FGD4: variants seen among roughly 807,000 people sequenced by gnomAD.
FGD4 encodes FYVE, RhoGEF and PH domain-containing protein 4.
In FGD4, 42 loss-of-function variants were observed where a neutral mutation model predicts 102.0. The ratio of observed to expected loss-of-function variants is 0.41; its 90% CI spans 0.32 to 0.53. The LOEUF (loss-of-function observed/expected upper bound fraction) is 0.53, where lower values mean the gene tolerates loss of function less well. Among genes scored for constraint, FGD4 ranks in the 20% least tolerant of loss-of-function variants. The pLI is 0.21. For missense variants in FGD4, 902 were observed against 1,078.2 expected (o/e 0.84, Z 2.29); for synonymous variants, 380 against 375.7 (o/e 1.01, Z -0.13).
intron 1 of FGD4, among the ~76,000 whole-genome samples, chr12:32,495,651 G>T (rs187400550): frequency 7.0e-6 from 1 of 142,328 alleles, no homozygotes; most frequent in Non-Finnish European, 1.5e-5. Context: ...AGCCGAGATC[G>T]CACCACTGCA....
At chr12:32,510,988 G>T (rs1939305349) in intron 1 of FGD4, among the ~76,000 whole-genome samples, 1 of 152,194 alleles carries the variant, frequency 6.6e-6, no homozygotes, top group Non-Finnish European at 1.5e-5. Flanking sequence ...GAGTCTGTGG[G>T]ATTAAGCAGG....
At chr12:32,465,370 A>C (rs1591953382) in intron 1 of FGD4, among the ~76,000 whole-genome samples, 1 of 152,036 alleles carries the variant, frequency 6.6e-6, no homozygotes. Context: ...GTCAGCCGCC[A>C]TTAACATCAA....
intron 1 of FGD4, among the ~76,000 whole-genome samples, chr12:32,525,641 C>A (rs1280322243): frequency 6.6e-6 from 1 of 152,230 alleles, no homozygotes; most frequent in Non-Finnish European, 1.5e-5. Flanking sequence ...AAGGCCGGAG[C>A]CCACTCCCTC....
At chr12:32,405,916 G>T (rs1009236226) in intron 1 of FGD4, among the ~76,000 whole-genome samples, 2 of 151,722 alleles carry the variant, frequency 1.3e-5, no homozygotes, top group Non-Finnish European at 2.9e-5. Context: ...GATTGAAAAA[G>T]GATTAGAACA....
At chr12:32,448,429 G>A (rs1942681855) in intron 1 of FGD4, among the ~76,000 whole-genome samples, 1 of 152,102 alleles carries the variant, frequency 6.6e-6, no homozygotes, top group Admixed American at 6.6e-5. Flanking sequence ...AGGCTGAGGC[G>A]AGTGGATCAC....
intron 1 of FGD4, among the ~76,000 whole-genome samples, chr12:32,444,021 C>CTTTTTTTTTT (rs67353121): frequency 5.0e-5 from 6 of 119,138 alleles, no homozygotes; most frequent in Non-Finnish European, 1.1e-4. Context: ...ACTTTGTTTT[C>CTTTTTTTTTT]TTTTTTTTTT....
At chr12:32,594,132 G>C (rs1947689598) in intron 4 of FGD4, among the ~76,000 whole-genome samples, 1 of 152,192 alleles carries the variant, frequency 6.6e-6, no homozygotes, top group Admixed American at 6.5e-5. Context: ...ACTGGTACCA[G>C]CTGGTCTGTG....
rs756885149 is a variant in FGD4 at position 32,611,137 on chromosome 12, G to A, written c.1603G>A (p.Glu535Lys). The change falls in exon 10 of 17, where the codon GAG becomes AAG. Residue 535 changes from glutamate (E) to lysine (K), a missense_variant and splice_region_variant. Glu to Lys is a moderately conservative substitution (Grantham distance 56). Around this residue, in one of 2 missense-constraint regions of FGD4, gnomAD observed 459 missense variants for 619.0 expected, o/e 0.74. Transcript: ENST00000534526. ...TGATCTTGCTGTTTTAATTTCCTAG[G>A]AGAACCTAAAGAAACTCTTAGAGAT... ...SHSNSAIRKM[E>K]NLKKLLEIYE... The A allele has an allele frequency of 2.5e-6, 4 of 1,614,040 alleles. No individual in the cohort carries two copies. Among genetic ancestry groups the A allele is most frequent in the South Asian group, 1.1e-5 (1 of 91,074 alleles).
At chr12:32,441,672 G>T (rs1018796889) in intron 1 of FGD4, among the ~76,000 whole-genome samples, 1 of 152,078 alleles carries the variant, frequency 6.6e-6, no homozygotes, top group African/African-American at 2.4e-5. Flanking sequence ...TTGTATCTTA[G>T]TATGTTGCTT....
chr12:32,571,709 T>C (rs1005062275), intron 2 of FGD4, among the ~76,000 whole-genome samples: 5 of 152,118 alleles, frequency 3.3e-5, no homozygotes, highest in African/African-American at 1.2e-4. Flanking sequence ...AGTTGATGAC[T>C]GAGGTGAGCC....
rs779521818 is a variant in FGD4 at position 32,619,657 on chromosome 12, T to C, written c.1750-41T>C. 35 of 1,608,240 alleles carry C rather than the reference T, an allele frequency of 2.2e-5. No individual in the cohort carries two copies. The Admixed American group carries it at 5.8e-4, about 27-fold the overall frequency. On this transcript the variant is annotated intron_variant, in intron 10 of 16. Coordinates refer to ENST00000534526, the MANE Select transcript of FGD4 (RefSeq NM_001370298.3). ...AAAAAAAAACCTGATCAGTTTCCCC[T>C]ATTTCTTTTCTTTACTGATATATGT...
At chr12:32,415,098 C>T (rs1670619058) in intron 1 of FGD4, among the ~76,000 whole-genome samples, 1 of 152,072 alleles carries the variant, frequency 6.6e-6, no homozygotes, top group Non-Finnish European at 1.5e-5. Flanking sequence ...TTCCAAAATT[C>T]CTCTTGTTAT....
chr12:32,504,594 CT>C (rs879856581), intron 1 of FGD4, among the ~76,000 whole-genome samples: 4 of 152,222 alleles, frequency 2.6e-5, no homozygotes, highest in Non-Finnish European at 4.4e-5. Flanking sequence ...ACTTTTCCAA[CT>C]GTCTGAGGGC....
chr12:32,593,593 A>C (rs1400866183), intron 4 of FGD4, among the ~76,000 whole-genome samples: 2 of 152,240 alleles, frequency 1.3e-5, no homozygotes. Context: ...CTTTGCAGTC[A>C]GCAAAGATTA....
At chr12:32,494,114 A>G (rs189084481) in intron 1 of FGD4, among the ~76,000 whole-genome samples, 1 of 152,298 alleles carries the variant, frequency 6.6e-6, no homozygotes, top group East Asian at 1.9e-4. Context: ...GGTGTGATCA[A>G]TGCAGCTTCA....
chr12:32,533,717 G>A (rs1317289398), intron 1 of FGD4, among the ~76,000 whole-genome samples: 1 of 152,158 alleles, frequency 6.6e-6, no homozygotes, highest in African/African-American at 2.4e-5. Flanking sequence ...TAGCCGCCGC[G>A]CCTGGCTTTA....
At position 32,582,774 on chromosome 12, in the gene FGD4, T is replaced by C. The variant is rs555020665; in HGVS notation, c.1011+307T>C. The stretch of plus-strand genomic sequence containing the variant: ...TTACATAGAAAGAAAATGTTCCTTG[T>C]TGCTCTAGATGTTGGTGCTGTATCC... On this transcript the variant is annotated intron_variant, in intron 4 of 16. Transcript: ENST00000534526. The C allele has an allele frequency of 1.4e-4, 52 of 375,826 alleles. No homozygotes were observed. In the South Asian group the frequency reaches 1.4e-3, roughly 10 times the overall value. 23.3% of individuals were successfully genotyped at this position (375,826 alleles called of 1,614,324 possible). A position where few individuals can be genotyped will look rare whatever the true frequency, so the allele number is the denominator to read the frequency against.
chr12:32,418,278 G>A (rs1379346514), intron 1 of FGD4, among the ~76,000 whole-genome samples: 7 of 152,086 alleles, frequency 4.6e-5, no homozygotes, highest in Admixed American at 2.6e-4. Flanking sequence ...TTCTTTGGGC[G>A]AGGTCATGTT....
At chr12:32,441,606 T>C (rs1304627014) in intron 1 of FGD4, among the ~76,000 whole-genome samples, 1 of 151,960 alleles carries the variant, frequency 6.6e-6, no homozygotes, top group Non-Finnish European at 1.5e-5. Context: ...AGCTGCAAGC[T>C]GCGCAACCTG....
Sources: allele counts gnomAD v4.1 joint callset (sites outside exome capture counted in the v4.1 genomes callset), GRCh38; gene constraint gnomAD v4.1.1; regional missense constraint gnomAD v4.1.1; transcripts MANE v1.5; gene names NCBI Gene and HGNC (gene_info 2026-07-23, HGNC 2026-07-21).